The following TLK1 variants were observed in gnomAD, a reference collection of about 807,000 sequenced individuals.
TLK1 encodes serine/threonine-protein kinase tousled-like 1.
TLK1 carries 24 observed loss-of-function variants against 105.3 expected under a neutral mutation model. The observed-to-expected ratio is 0.23, with a 90% CI of 0.17 to 0.32. The LOEUF (loss-of-function observed/expected upper bound fraction) is 0.32, where lower values mean the gene tolerates loss of function less well. Ranked by LOEUF, TLK1 falls within the 10% of genes least tolerant of loss-of-function variation. The probability of loss-of-function intolerance (pLI) is 1.00; values close to 1 mark genes in which losing one functional copy is unlikely to be tolerated. For synonymous variants in TLK1, 321 were observed against 310.4 expected, an observed-to-expected ratio of 1.03 and a Z score of -0.36; for missense variants, 558 against 910.5, an observed-to-expected ratio of 0.61 and a Z score of 4.98.
intron 3 of TLK1, among the ~76,000 whole-genome samples, chr2:171,079,993 G>A (rs1688676304): frequency 6.6e-6 from 1 of 152,054 alleles, no homozygotes; most frequent in South Asian, 2.1e-4. Flanking sequence ...CAGGAATCCA[G>A]GGTGGGGTAA....
chr2:171,050,258 A>G, intron 8 of TLK1, 84 bp from the exon 9 acceptor site: 1 of 911,432 alleles, frequency 1.1e-6, no homozygotes, highest in South Asian at 1.9e-5. Flanking sequence ...TAAATAAATT[A>G]TATACAGATA....
At chr2:171,134,469 C>T (rs887411137) in intron 1 of TLK1, among the ~76,000 whole-genome samples, 1 of 152,044 alleles carries the variant, frequency 6.6e-6, no homozygotes, top group African/African-American at 2.4e-5. Context: ...AACGATTGGG[C>T]AAAGAATCTG....
At chr2:171,079,594 A>T (rs900936113) in intron 3 of TLK1, among the ~76,000 whole-genome samples, 3 of 152,246 alleles carry the variant, frequency 2.0e-5, no homozygotes, top group African/African-American at 7.2e-5. Flanking sequence ...AATAAAACAA[A>T]ATCAAAACAA....
intron 13 of TLK1, among the ~76,000 whole-genome samples, chr2:171,013,175 G>A (rs1237039597): frequency 6.6e-6 from 1 of 151,844 alleles, no homozygotes; most frequent in Non-Finnish European, 1.5e-5. Context: ...ACAACGCTGG[G>A]CTAGTGTTTT....
At chr2:171,220,674 C>G (rs1384006732) in intron 1 of TLK1, among the ~76,000 whole-genome samples, 1 of 152,028 alleles carries the variant, frequency 6.6e-6, no homozygotes, top group Non-Finnish European at 1.5e-5. Context: ...GCTCAACTAG[C>G]CAGCCAAGTT....
chr2:171,190,354 CAT>C (rs1693121416), intron 1 of TLK1, among the ~76,000 whole-genome samples: 2 of 152,192 alleles, frequency 1.3e-5, no homozygotes, highest in Admixed American at 6.5e-5. Context: ...CAGGCCTCAA[CAT>C]AAAGCTTACT....
At chr2:171,078,216 T>A (rs1688599887) in intron 3 of TLK1, among the ~76,000 whole-genome samples, 1 of 152,180 alleles carries the variant, frequency 6.6e-6, no homozygotes, top group Non-Finnish European at 1.5e-5. Flanking sequence ...TTCCAAGTCA[T>A]CAAACCCTAC....
At position 171,006,366 on chromosome 2, in the gene TLK1, CTGA is replaced by C. The variant is rs894931575; in HGVS notation, c.1769-87_1769-85del. The C allele has an allele frequency of 1.8e-4, 267 of 1,472,604 alleles. No homozygotes were observed. In the African/African-American group the frequency reaches 3.2e-3, roughly 18 times the overall value. 91.2% of individuals were successfully genotyped at this position (1,472,604 alleles called of 1,614,324 possible). On this transcript the variant is annotated intron_variant, in intron 17 of 20. Transcript: ENST00000431350. ...AACTTTTAATTTTACTAGTATTTTACTGATGTCTTACAAGAGAAACCAAAAAAC... is the reference window on the plus strand; with the variant it reads ...AACTTTTAATTTTACTAGTATTTTACTGTCTTACAAGAGAAACCAAAAAAC...
intron 3 of TLK1, among the ~76,000 whole-genome samples, chr2:171,066,449 A>G (rs1226790398): frequency 6.6e-6 from 1 of 152,222 alleles, no homozygotes. Flanking sequence ...TTACAGGTAT[A>G]CTTAAAGTAT....
chr2:171,075,269 G>C (rs1310434567), intron 3 of TLK1, among the ~76,000 whole-genome samples: 2 of 152,070 alleles, frequency 1.3e-5, no homozygotes, highest in Non-Finnish European at 2.9e-5. Context: ...AAATGCTCTA[G>C]ATGCAACAAC....
At chr2:171,048,018 G>A (rs930838097) in intron 10 of TLK1, among the ~76,000 whole-genome samples, 2 of 152,074 alleles carry the variant, frequency 1.3e-5, no homozygotes, top group African/African-American at 4.8e-5. Context: ...GCATGATCTC[G>A]GCTCACTGCA....
At chr2:171,079,021 A>G (rs1249885616) in intron 3 of TLK1, among the ~76,000 whole-genome samples, 1 of 152,180 alleles carries the variant, frequency 6.6e-6, no homozygotes, top group Non-Finnish European at 1.5e-5. Context: ...CCATTCCTGC[A>G]TATAGTCCCT....
intron 3 of TLK1, among the ~76,000 whole-genome samples, chr2:171,072,607 T>A (rs933891693): frequency 2.6e-5 from 4 of 151,248 alleles, no homozygotes; most frequent in Non-Finnish European, 5.9e-5. Flanking sequence ...AAAATACATT[T>A]AAAAAAAAAT....
At chr2:171,139,087 G>A (rs552908939) in intron 1 of TLK1, among the ~76,000 whole-genome samples, 1 of 152,212 alleles carries the variant, frequency 6.6e-6, no homozygotes, top group East Asian at 1.9e-4. Context: ...ACTAAGACGT[G>A]TATCACATTT....
intron 12 of TLK1, among the ~76,000 whole-genome samples, chr2:171,019,951 G>A (rs529452847): frequency 3.3e-5 from 5 of 151,830 alleles, no homozygotes; most frequent in African/African-American, 7.2e-5. Flanking sequence ...CCAGCTACTC[G>A]GGAGGATGAG....
intron 2 of TLK1, among the ~76,000 whole-genome samples, chr2:171,086,848 C>T (rs13010307): frequency 0.39 from 59,553 of 151,818 alleles, 13,090 homozygotes; most frequent in African/African-American, 0.57. Flanking sequence ...AGGAGGGATA[C>T]GCTGGAAAAT....
At chr2:171,115,339 T>A (rs1459645684) in intron 2 of TLK1, among the ~76,000 whole-genome samples, 2 of 150,804 alleles carry the variant, frequency 1.3e-5, no homozygotes, top group Non-Finnish European at 3.0e-5. Context: ...GCCTGGCTAA[T>A]TTTTTTTTGT....
At chr2:171,022,390 A>C (rs1054592088) in intron 12 of TLK1, among the ~76,000 whole-genome samples, 1 of 151,992 alleles carries the variant, frequency 6.6e-6, no homozygotes. Context: ...TTGTAAAGTT[A>C]GAATTCCAGC....
rs71401413 is a variant in TLK1 at position 171,227,568 on chromosome 2, C to CTTTTTTTTTTTT, written c.-6+3565_-6+3576dup. 1.7e-3 allele frequency among the ~76,000 whole-genome samples: 96 copies of CTTTTTTTTTTTT among 55,518 alleles called. 6 individuals are homozygous for CTTTTTTTTTTTT. Among genetic ancestry groups the CTTTTTTTTTTTT allele is most frequent in the Non-Finnish European group, 2.3e-3 (69 of 30,292 alleles). The allele number at this position is 55,518 out of a possible 152,430, so 36.4% of individuals were successfully genotyped here. On this transcript the variant is annotated intron_variant, in intron 1 of 20. Coordinates refer to the TLK1 transcript ENST00000521943. ...AGTTAGTCATGAGTTAGTAAATCTC[C>CTTTTTTTTTTTT]TTTTTTTTTTTTTTTTTTTTTTTTT...
Sources: allele counts gnomAD v4.1 joint callset (sites outside exome capture counted in the v4.1 genomes callset), GRCh38; gene constraint gnomAD v4.1.1; transcripts MANE v1.5; gene names NCBI Gene and HGNC (gene_info 2026-07-23, HGNC 2026-07-21).